The following TMEM63B variants were observed in gnomAD, a reference collection of about 807,000 sequenced individuals.
TMEM63B encodes the protein mechanosensitive cation channel TMEM63B.
A neutral mutation model predicts 102.6 loss-of-function variants in TMEM63B; 23 were observed. The ratio of observed to expected loss-of-function variants is 0.22; its 90% CI spans 0.16 to 0.32. The LOEUF (loss-of-function observed/expected upper bound fraction) is 0.32, where lower values mean the gene tolerates loss of function less well. Ranked by LOEUF, TMEM63B falls within the 10% of genes least tolerant of loss-of-function variation. The probability of loss-of-function intolerance (pLI) is 1.00; values close to 1 mark genes in which losing one functional copy is unlikely to be tolerated. For missense variants in TMEM63B, 628 were observed against 1,095.9 expected, an observed-to-expected ratio of 0.57 and a Z score of 6.03; for synonymous variants, 444 against 437.0, an observed-to-expected ratio of 1.02 and a Z score of -0.20.
chr6:44,138,974 T>C (rs1582784292), intron 6 of TMEM63B: 1 of 242,920 alleles, frequency 4.1e-6, no homozygotes, highest in Non-Finnish European at 8.1e-6. Context: ...CCCCCAAGGG[T>C]ACCCGGGCTT....
Position 44,151,861 on chromosome 6 carries a change from C to A in TMEM63B, c.1689C>A (p.Pro563=). ...GTGCCCGCAGGTGTGTGTTCCTGCC[C>A]GACAACGGCGCCTTCTTCGTGAACT... is the stretch of plus-strand genomic sequence containing the variant. ...AAIRFECVFL[P]DNGAFFVNYV... is the part of the protein sequence containing the mutation. The change falls in exon 19 of 24, where the codon CCC becomes CCA. Residue 563 remains proline, a synonymous_variant. Transcript: ENST00000323267. 6.2e-7 allele frequency: 1 copy of A among 1,611,454 alleles called. No homozygotes were observed.
intron 11 of TMEM63B, 76 bp downstream of exon 11, chr6:44,147,003 G>A: frequency 1.3e-6 from 2 of 1,492,072 alleles, no homozygotes; most frequent in Non-Finnish European, 1.9e-6. Flanking sequence ...CTACCACACA[G>A]GCTCCCCTTC....
intron 10 of TMEM63B, 45 bp downstream of exon 10, chr6:44,141,143 G>T (rs1180652844): frequency 6.3e-7 from 1 of 1,580,598 alleles, no homozygotes; most frequent in East Asian, 2.2e-5. Flanking sequence ...CTGCTGCAGA[G>T]CCTTCTCTGC....
intron 5 of TMEM63B, among the ~76,000 whole-genome samples, chr6:44,137,403 A>G (rs1316981743): frequency 6.6e-6 from 1 of 152,160 alleles, no homozygotes; most frequent in Non-Finnish European, 1.5e-5. Context: ...TCTTCCAGCA[A>G]TTCCAGCAGA....
In TMEM63B at chr6:44,148,720, G is replaced by A. The variant is rs1401215408; in HGVS notation, c.1259+70G>A. The A allele has an allele frequency of 4.3e-6, 7 of 1,610,532 alleles. No individual in the cohort carries two copies. Among genetic ancestry groups the A allele is most frequent in the Admixed American group, 1.7e-5 (1 of 59,936 alleles). ...GGCTCAGTAGGTAGGCGGAGGAGAG[G>A]GAGTGTCTTGGTGTCACTGGGGGCC... On this transcript the variant is annotated intron_variant, in intron 14 of 23. Transcript: ENST00000323267. This position sits in a 1 kb window ranked among gnomAD's most constrained non-coding sequence, Gnocchi z 5.1.
At chr6:44,149,093 C>T (rs1221772290) in intron 15 of TMEM63B, 148 bp downstream of exon 15, 1 of 1,241,462 alleles carries the variant, frequency 8.1e-7, no homozygotes, top group African/African-American at 1.5e-5. Context: ...CCTGTGTGCA[C>T]TTCCCTTGGG....
At chr6:44,132,082 G>C (rs1347576991) in intron 1 of TMEM63B, among the ~76,000 whole-genome samples, 1 of 152,194 alleles carries the variant, frequency 6.6e-6, no homozygotes, top group East Asian at 1.9e-4. Flanking sequence ...CCTGTCAACT[G>C]GCAGAGCTGC....
chr6:44,138,787 C>A, intron 6 of TMEM63B: 1 of 414,278 alleles, frequency 2.4e-6, no homozygotes. Flanking sequence ...GGGGGTGGAG[C>A]CCCTGCCTCA....
At chr6:44,135,655 C>G (rs1562117285) in intron 4 of TMEM63B, among the ~76,000 whole-genome samples, 1 of 152,130 alleles carries the variant, frequency 6.6e-6, no homozygotes, top group Non-Finnish European at 1.5e-5. Flanking sequence ...GAGGGGCTGT[C>G]CTCCAGGAAA....
At chr6:44,136,991 G>A (rs187955356) in intron 5 of TMEM63B, among the ~76,000 whole-genome samples, 2,447 of 152,376 alleles carry the variant, frequency 0.016, 25 homozygotes, top group Middle Eastern at 0.058. Flanking sequence ...CTTGCAGTGA[G>A]CTGAGATGGC....
rs934821824 is a variant in TMEM63B at position 44,150,170 on chromosome 6, G to A, written c.1521-54G>A. The A allele has an allele frequency of 8.3e-6, 13 of 1,559,002 alleles. No homozygotes were observed. Among genetic ancestry groups the A allele is most frequent in the Non-Finnish European group, 1.1e-5 (12 of 1,134,252 alleles). ...GACATTGTCCTTGTTGGGGGAGCAA[G>A]TCTGGGGCCTGGGCTCACTTGACCT... On this transcript the variant is annotated intron_variant, in intron 16 of 23. Coordinates refer to ENST00000323267, the MANE Select transcript of TMEM63B (RefSeq NM_018426.3). The surrounding 1 kb of genome is among the most constrained non-coding windows in gnomAD (Gnocchi z 4.7).
intron 1 of TMEM63B, 181 bp from the exon 2 acceptor site, chr6:44,134,380 G>A: frequency 1.7e-6 from 1 of 601,100 alleles, no homozygotes; most frequent in Non-Finnish European, 2.8e-6. Context: ...CAGAGAGCCA[G>A]TGAAGGTAAA....
At chr6:44,129,394 A>G (rs1562110325) in intron 1 of TMEM63B, among the ~76,000 whole-genome samples, 1 of 152,078 alleles carries the variant, frequency 6.6e-6, no homozygotes, top group South Asian at 2.1e-4. Flanking sequence ...AAAGAAAAGA[A>G]AAAGAAAAAA....
chr6:44,154,396 C>T lies in TMEM63B; in HGVS notation c.2258C>T (p.Pro753Leu). The T allele has an allele frequency of 6.2e-7, 1 of 1,614,006 alleles. No individual in the cohort carries two copies. Among genetic ancestry groups the T allele is most frequent in the Non-Finnish European group, 8.5e-7 (1 of 1,179,954 alleles). ...IEHTETDTVD[P>L]RSNGRPPTAA... is the part of the protein sequence containing the mutation. ...CACACGGAGACAGATACTGTGGACC[C>T]CAGAAGCAATGGACGGCCCCCCACT... The change falls in exon 23 of 24, where the codon CCC becomes CTC. Residue 753 changes from proline to leucine, a missense_variant. Around this residue, in one of 6 missense-constraint regions of TMEM63B, gnomAD observed 129 missense variants for 153.5 expected, o/e 0.84. Coordinates refer to ENST00000323267, the MANE Select transcript of TMEM63B (RefSeq NM_018426.3).
At position 44,150,775 on chromosome 6, in the gene TMEM63B, A is replaced by G; in HGVS notation, c.1673+146A>G. 1.2e-6 allele frequency: 1 copy of G among 821,426 alleles called. No homozygotes were observed. Among genetic ancestry groups the G allele is most frequent in the South Asian group, 1.6e-5 (1 of 62,390 alleles). 50.9% of individuals were successfully genotyped at this position (821,426 alleles called of 1,614,324 possible). A position where few individuals can be genotyped will look rare whatever the true frequency, so the allele number is the denominator to read the frequency against. On this transcript the variant is annotated intron_variant, in intron 18 of 23. Coordinates refer to ENST00000323267, the MANE Select transcript of TMEM63B (RefSeq NM_018426.3). This position sits in a 1 kb window ranked among gnomAD's most constrained non-coding sequence, Gnocchi z 4.7. ...GAGAGGATCTGGCGGGGTTACCCCA[A>G]AGGCACCCACAAGGTGTCTTGGGTG...
intron 1 of TMEM63B, among the ~76,000 whole-genome samples, chr6:44,130,492 G>A (rs897193419): frequency 1.3e-4 from 20 of 150,572 alleles, no homozygotes; most frequent in African/African-American, 4.7e-4. Context: ...AGGATGGAGT[G>A]CAGTGGCATG....
chr6:44,138,597 C>T (rs964360493), intron 6 of TMEM63B, 80 bp downstream of exon 6: 3 of 1,571,182 alleles, frequency 1.9e-6, no homozygotes, highest in Non-Finnish European at 1.7e-6. Context: ...CAGAAGCCAG[C>T]AGCTTTCAGG....
chr6:44,134,976 A>AG (rs1489440334), intron 2 of TMEM63B, 41 bp from the exon 3 acceptor site: 1 of 1,608,650 alleles, frequency 6.2e-7, no homozygotes, highest in Non-Finnish European at 8.5e-7. Flanking sequence ...GCAGGTGGAC[A>AG]GACAGCCTCT....
At position 44,129,789 on chromosome 6, in the gene TMEM63B, A is replaced by C. The variant is rs550670386; in HGVS notation, c.-25+2111A>C. On this transcript the variant is annotated intron_variant, in intron 1 of 23. Coordinates refer to ENST00000323267, the MANE Select transcript of TMEM63B (RefSeq NM_018426.3). ...TTTTATTCCATACCTTATTAATAAC[A>C]ATAACTAATTCCTAGAGCCCATTAT... Among the ~76,000 whole-genome samples, 3 of 150,932 alleles carry C rather than the reference A, an allele frequency of 2.0e-5. No homozygotes were observed. In the South Asian group the frequency reaches 6.2e-4, roughly 31 times the overall value.
Sources: gnomAD v4.1 joint callset for allele counts (sites outside exome capture counted in the v4.1 genomes callset) on GRCh38, gnomAD v4.1.1 for gene constraint, gnomAD v4.1.1 regional missense constraint, Gnocchi (gnomAD v3.1) non-coding constraint, MANE v1.5 for transcripts, NCBI Gene and HGNC (gene_info 2026-07-23, HGNC 2026-07-21) for gene names.